Variants in EEA1 observed in about 807,000 individuals in gnomAD.
EEA1 encodes the protein early endosome antigen 1.
A neutral mutation model predicts 209.2 loss-of-function variants in EEA1; 111 were observed. That is an observed-to-expected ratio of 0.53 (90% CI 0.45 to 0.62). EEA1 has a LOEUF of 0.62. Ranked by LOEUF, EEA1 falls within the 20% of genes least tolerant of loss-of-function variation. The pLI, the probability that EEA1 is intolerant of heterozygous loss-of-function variation, is 0.00. For synonymous variants in EEA1, 536 were observed against 540.6 expected (o/e 0.99, Z 0.12); for missense variants, 1,343 against 1,530.8 (o/e 0.88, Z 2.05).
chr12:92,920,226 T>C (rs1431448608), intron 1 of EEA1, among the ~76,000 whole-genome samples: 11 of 78,414 alleles, frequency 1.4e-4, no homozygotes, highest in African/African-American at 7.0e-4. Flanking sequence ...ATGACTTTCT[T>C]CACAGAATTG....
intron 2 of EEA1, among the ~76,000 whole-genome samples, chr12:92,889,020 C>T (rs976410134): frequency 4.6e-5 from 7 of 151,932 alleles, no homozygotes; most frequent in African/African-American, 1.7e-4. Context: ...GGTGTGGTGG[C>T]ACGTGCCTGT....
intron 21 of EEA1, among the ~76,000 whole-genome samples, chr12:92,790,434 A>C (rs1387108767): frequency 6.6e-6 from 1 of 152,158 alleles, no homozygotes; most frequent in Non-Finnish European, 1.5e-5. Context: ...AACTAGAATA[A>C]ACAGTGTAGA....
chr12:92,799,422 T>C (rs1343175017), intron 20 of EEA1, among the ~76,000 whole-genome samples: 1 of 152,232 alleles, frequency 6.6e-6, no homozygotes, highest in Non-Finnish European at 1.5e-5. Flanking sequence ...TCTACATTAG[T>C]ATTCTCTTGT....
At chr12:92,915,442 C>A (rs1258678431) in intron 1 of EEA1, among the ~76,000 whole-genome samples, 1 of 152,098 alleles carries the variant, frequency 6.6e-6, no homozygotes, top group Non-Finnish European at 1.5e-5. Context: ...TGCACTCTAG[C>A]CTGGACAACA....
intron 10 of EEA1, among the ~76,000 whole-genome samples, chr12:92,833,529 TG>T (rs1411419978): frequency 3.3e-5 from 5 of 152,140 alleles, no homozygotes; most frequent in Admixed American, 3.3e-4. Context: ...CTGGTCTCAG[TG>T]GGGTTGTAAA....
At chr12:92,919,313 A>G (rs1259913712) in intron 1 of EEA1, among the ~76,000 whole-genome samples, 2 of 148,056 alleles carry the variant, frequency 1.4e-5, no homozygotes, top group African/African-American at 5.0e-5. Flanking sequence ...TTTTAGACCA[A>G]TATCCTTGAT....
At chr12:92,858,711 T>C in intron 3 of EEA1, 1 of 741,384 alleles carries the variant, frequency 1.3e-6, no homozygotes, top group Non-Finnish European at 2.5e-6. Flanking sequence ...CTGTTTGGCA[T>C]GATGAAGAGG....
At chr12:92,796,712 A>G (rs1356550244) in intron 21 of EEA1, among the ~76,000 whole-genome samples, 4 of 152,194 alleles carry the variant, frequency 2.6e-5, no homozygotes, top group Non-Finnish European at 5.9e-5. Context: ...TGACAATGAT[A>G]ACTTTGTCAT....
At chr12:92,866,777 A>T (rs1361757871) in intron 2 of EEA1, among the ~76,000 whole-genome samples, 1 of 152,078 alleles carries the variant, frequency 6.6e-6, no homozygotes. Flanking sequence ...AAATACAACA[A>T]ATGCAAGACT....
chr12:92,818,624 T>C (rs1490238445), intron 14 of EEA1, among the ~76,000 whole-genome samples: 5 of 152,212 alleles, frequency 3.3e-5, no homozygotes, highest in South Asian at 2.1e-4. Context: ...ATCTGTTATA[T>C]TCTAATTCTA....
chr12:92,818,837 T>G (rs1875916976), intron 14 of EEA1, among the ~76,000 whole-genome samples: 1 of 152,190 alleles, frequency 6.6e-6, no homozygotes, highest in Admixed American at 6.5e-5. Context: ...AAAATTATTA[T>G]TGGCTATACA....
intron 22 of EEA1, among the ~76,000 whole-genome samples, chr12:92,786,389 C>T (rs1213277017): frequency 6.6e-6 from 1 of 152,090 alleles, no homozygotes. Context: ...TTTAACACTA[C>T]CTAAATCTTG....
At position 92,848,660 on chromosome 12, in the gene EEA1, G is replaced by A. The variant is rs1433211336; in HGVS notation, c.798+2451C>T. The stretch of plus-strand genomic sequence containing the variant: ...TTAGAAATGAGTAATTCTTAAATTA[G>A]AGTAACTCCTAAATGTTACTTAGAA... On this transcript the variant is annotated intron_variant, in intron 9 of 28. Coordinates refer to ENST00000322349, the MANE Select transcript of EEA1 (RefSeq NM_003566.4). 2.7e-5 allele frequency among the ~76,000 whole-genome samples: 4 copies of A among 146,902 alleles called. No individual in the cohort carries two copies. The East Asian group carries it at 8.1e-4, about 30-fold the overall frequency.
intron 1 of EEA1, among the ~76,000 whole-genome samples, chr12:92,926,411 T>C (rs1881218872): frequency 6.6e-6 from 1 of 152,120 alleles, no homozygotes; most frequent in Admixed American, 6.6e-5. Context: ...CAGGGAGGGG[T>C]AAAATAGGTT....
chr12:92,900,382 A>G (rs777595477), intron 1 of EEA1, among the ~76,000 whole-genome samples: 2 of 151,842 alleles, frequency 1.3e-5, no homozygotes, highest in African/African-American at 2.4e-5. Context: ...CTTTCCCAAA[A>G]TCTAACATTC....
At chr12:92,829,231 C>T (rs1335115318) in intron 11 of EEA1, among the ~76,000 whole-genome samples, 1 of 152,054 alleles carries the variant, frequency 6.6e-6, no homozygotes, top group Non-Finnish European at 1.5e-5. Flanking sequence ...CGCTTGAACC[C>T]GGGCGGCAGA....
At chr12:92,922,353 T>C (rs1187958401) in intron 1 of EEA1, among the ~76,000 whole-genome samples, 3 of 152,178 alleles carry the variant, frequency 2.0e-5, no homozygotes, top group Non-Finnish European at 2.9e-5. Context: ...TTATTGAAAA[T>C]CAATTTATTC....
At chr12:92,888,469 C>T (rs1047145732) in intron 2 of EEA1, among the ~76,000 whole-genome samples, 4 of 151,314 alleles carry the variant, frequency 2.6e-5, no homozygotes, top group African/African-American at 7.3e-5. Flanking sequence ...CCCAGCTACT[C>T]GGGAGGCTGA....
At chr12:92,785,991 T>C (rs563053259) in intron 22 of EEA1, among the ~76,000 whole-genome samples, 2 of 152,218 alleles carry the variant, frequency 1.3e-5, no homozygotes, top group African/African-American at 2.4e-5. Flanking sequence ...ATTAATTTAA[T>C]GTTGGTTCCT....
Sources: allele counts gnomAD v4.1 joint callset (sites outside exome capture counted in the v4.1 genomes callset), GRCh38; gene constraint gnomAD v4.1.1; transcripts MANE v1.5; gene names NCBI Gene and HGNC (gene_info 2026-07-23, HGNC 2026-07-21).